The following ZC3H3 variants were observed in gnomAD, a reference collection of about 807,000 sequenced individuals.
The protein encoded by ZC3H3 is zinc finger CCCH-type containing 3, also known as zinc finger CCCH domain-containing protein 3.
ZC3H3 carries 36 observed loss-of-function variants against 77.3 expected under a neutral mutation model. The ratio of observed to expected loss-of-function variants is 0.47; its 90% CI spans 0.36 to 0.61. The LOEUF is 0.61. Ranked by LOEUF, ZC3H3 falls within the 20% of genes least tolerant of loss-of-function variation. The pLI is 0.00. For synonymous variants in ZC3H3, 626 were observed against 555.2 expected, an observed-to-expected ratio of 1.13 and a Z score of -1.79; for missense variants, 1,331 against 1,312.2, an observed-to-expected ratio of 1.01 and a Z score of -0.22.
At position 143,494,991 on chromosome 8, in the gene ZC3H3, G is replaced by A. The variant is rs1025490597; in HGVS notation, c.1715+12755C>T. Reference sequence around the variant, plus strand: ...CAGATTAGAAAGGCGGTAACACCACGTCTGAGGGGAACAGAAAGGGTCGCG... The same window carrying A: ...CAGATTAGAAAGGCGGTAACACCACATCTGAGGGGAACAGAAAGGGTCGCG... On this transcript the variant is annotated intron_variant, in intron 4 of 11. Transcript: ENST00000262577. The surrounding 1 kb of genome is among the most constrained non-coding windows in gnomAD (Gnocchi z 5.3). 1.1e-4 allele frequency among the ~76,000 whole-genome samples: 16 copies of A among 152,216 alleles called. 1 individual carries two copies. Among genetic ancestry groups the A allele is most frequent in the Admixed American group, 7.2e-4 (11 of 15,282 alleles).
intron 9 of ZC3H3, among the ~76,000 whole-genome samples, chr8:143,448,297 ACT>A (rs1819908453): frequency 6.6e-6 from 1 of 151,466 alleles, no homozygotes; most frequent in Admixed American, 6.6e-5. Context: ...CAAGACTGAA[ACT>A]CTGTCTAAAA....
chr8:143,535,453 C>T (rs1822762961), intron 3 of ZC3H3, among the ~76,000 whole-genome samples: 1 of 152,204 alleles, frequency 6.6e-6, no homozygotes, highest in Admixed American at 6.5e-5. Context: ...GAAGTCACTG[C>T]CCTAACGCGC....
At chr8:143,461,317 G>A (rs376594263) in intron 9 of ZC3H3, among the ~76,000 whole-genome samples, 4 of 152,270 alleles carry the variant, frequency 2.6e-5, no homozygotes, top group African/African-American at 9.6e-5. Context: ...GGCACGCCAC[G>A]CCCACCAGAA....
At chr8:143,443,099 G>C (rs945495932) in intron 9 of ZC3H3, among the ~76,000 whole-genome samples, 11 of 151,810 alleles carry the variant, frequency 7.2e-5, no homozygotes, top group Admixed American at 6.6e-4. Context: ...ATGGTGAAAC[G>C]GTCTCTCCTA....
At chr8:143,540,217 C>T (rs1053151052) in intron 1 of ZC3H3, among the ~76,000 whole-genome samples, 4 of 122,442 alleles carry the variant, frequency 3.3e-5, no homozygotes, top group South Asian at 2.7e-4. Flanking sequence ...ATTTTTAAAG[C>T]TTTTTTTTGT....
intron 9 of ZC3H3, among the ~76,000 whole-genome samples, chr8:143,456,548 G>A (rs1408102501): frequency 6.6e-6 from 1 of 152,138 alleles, no homozygotes; most frequent in Non-Finnish European, 1.5e-5. Context: ...AATCATCAGA[G>A]ACAGAAACAT....
chr8:143,443,990 T>TC (rs1241947611), intron 9 of ZC3H3, among the ~76,000 whole-genome samples: 1 of 130,718 alleles, frequency 7.7e-6, no homozygotes, highest in Non-Finnish European at 1.7e-5. Context: ...TTTTTTTTTT[T>TC]CTGAGACAGA....
chr8:143,474,199 G>C lies in ZC3H3; in HGVS notation c.1903+1199C>G, dbSNP rs562571291. Among the ~76,000 whole-genome samples the C allele has an allele frequency of 9.9e-5, 15 of 152,254 alleles. No homozygotes were observed. In the East Asian group the frequency reaches 2.3e-3, roughly 23 times the overall value. ...GGGTGGGGAAGCGGAGGCACACACA[G>C]GGGTGACACAGTGCCCAGGAAGGGA... On this transcript the variant is annotated intron_variant, in intron 5 of 11. Coordinates refer to ENST00000262577, the MANE Select transcript of ZC3H3 (RefSeq NM_015117.3).
intron 5 of ZC3H3, among the ~76,000 whole-genome samples, chr8:143,474,117 G>A (rs963943203): frequency 1.3e-5 from 2 of 152,168 alleles, no homozygotes; most frequent in African/African-American, 4.8e-5. Context: ...GAGCACCCGG[G>A]GTGTAGCAGA....
chr8:143,463,144 C>A (rs548709152), intron 9 of ZC3H3, among the ~76,000 whole-genome samples: 1 of 152,174 alleles, frequency 6.6e-6, no homozygotes, highest in African/African-American at 2.4e-5. Flanking sequence ...CCGCCACAAC[C>A]GGCTAACTTT....
intron 9 of ZC3H3, among the ~76,000 whole-genome samples, chr8:143,442,871 G>A (rs982452897): frequency 5.3e-5 from 8 of 152,272 alleles, no homozygotes; most frequent in African/African-American, 1.9e-4. Flanking sequence ...ACCTTTTAAA[G>A]GTGGCTACTA....
rs368113710 is a variant in ZC3H3 at position 143,493,380 on chromosome 8, G to C, written c.1715+14366C>G. Among the ~76,000 whole-genome samples the C allele has an allele frequency of 6.6e-6, 1 of 152,216 alleles. No homozygotes were observed. Among genetic ancestry groups the C allele is most frequent in the African/African-American group, 2.4e-5 (1 of 41,448 alleles). The stretch of plus-strand genomic sequence containing the variant: ...GACATCCCAGCCTCGGTGTGGATGC[G>C]GGCTAGCTCAGGCCCTGGCAAGACT... On this transcript the variant is annotated intron_variant, in intron 4 of 11. Coordinates refer to ENST00000262577, the MANE Select transcript of ZC3H3 (RefSeq NM_015117.3). This position sits in a 1 kb window ranked among gnomAD's most constrained non-coding sequence, Gnocchi z 4.8.
intron 1 of ZC3H3, among the ~76,000 whole-genome samples, chr8:143,540,601 G>A (rs1822978755): frequency 1.3e-5 from 2 of 152,178 alleles, no homozygotes; most frequent in South Asian, 4.1e-4. Flanking sequence ...GCTGAAGCCT[G>A]TTCAGTCTGC....
intron 3 of ZC3H3, among the ~76,000 whole-genome samples, chr8:143,522,581 G>C (rs1355950562): frequency 2.6e-5 from 4 of 151,468 alleles, no homozygotes; most frequent in Non-Finnish European, 4.4e-5. Context: ...CTCCAGCCTA[G>C]GGAAGAGAGC....
At chr8:143,527,002 G>C (rs1663770319) in intron 3 of ZC3H3, among the ~76,000 whole-genome samples, 1 of 152,180 alleles carries the variant, frequency 6.6e-6, no homozygotes, top group Non-Finnish European at 1.5e-5. Context: ...ACAGGAAGAG[G>C]ACAGGCGGGC....
At chr8:143,498,349 CG>C (rs1244754756) in intron 4 of ZC3H3, among the ~76,000 whole-genome samples, 1 of 152,206 alleles carries the variant, frequency 6.6e-6, no homozygotes, top group Non-Finnish European at 1.5e-5. Flanking sequence ...CCTTCTGGCT[CG>C]GGGGGAATCA....
At chr8:143,514,355 C>T (rs1301072141) in intron 3 of ZC3H3, among the ~76,000 whole-genome samples, 1 of 152,204 alleles carries the variant, frequency 6.6e-6, no homozygotes, top group South Asian at 2.1e-4. Flanking sequence ...GGGCCCTGGT[C>T]TCCCCAGTGT....
At chr8:143,495,552 G>A (rs1230845285) in intron 4 of ZC3H3, among the ~76,000 whole-genome samples, 3 of 152,156 alleles carry the variant, frequency 2.0e-5, no homozygotes, top group Non-Finnish European at 4.4e-5. Context: ...ATCTCGACGA[G>A]GTATGCGTTG....
chr8:143,514,080 G>C (rs1352429549), intron 3 of ZC3H3, among the ~76,000 whole-genome samples: 1 of 152,192 alleles, frequency 6.6e-6, no homozygotes, highest in African/African-American at 2.4e-5. Context: ...CCACACGCTA[G>C]GTCCTGAAGG....
Sources: gnomAD v4.1 joint callset for allele counts (sites outside exome capture counted in the v4.1 genomes callset) on GRCh38, gnomAD v4.1.1 for gene constraint, Gnocchi (gnomAD v3.1) non-coding constraint, MANE v1.5 for transcripts, NCBI Gene and HGNC (gene_info 2026-07-23, HGNC 2026-07-21) for gene names.